The following REDIC1 variants were observed in gnomAD, a reference collection of about 807,000 sequenced individuals.
REDIC1 encodes the protein regulator of DNA class I crossover intermediates 1.
At chr12:39,812,958 T>C in the REDIC1 span, among the ~76,000 whole-genome samples, 3 of 141,340 alleles carry the variant, frequency 2.1e-5, no homozygotes, top group Non-Finnish European at 4.5e-5. Context: ...GCCTCCCAAG[T>C]AGCAGGGATT....
At chr12:39,880,552 AC>A in the REDIC1 span, among the ~76,000 whole-genome samples, 1 of 152,242 alleles carries the variant, frequency 6.6e-6, no homozygotes, top group African/African-American at 2.4e-5. Flanking sequence ...AAGCAATGAT[AC>A]AAAAATCATA....
chr12:39,682,789 C>T, the REDIC1 span: 1 of 1,612,904 alleles, frequency 6.2e-7, no homozygotes, highest in African/African-American at 1.3e-5. Context: ...CCAGTCTACT[C>T]CTAACCTTCT....
chr12:39,877,395 A>C, the REDIC1 span, among the ~76,000 whole-genome samples: 1 of 151,748 alleles, frequency 6.6e-6, no homozygotes, highest in African/African-American at 2.4e-5. Context: ...CAGAATTGGA[A>C]CCCCCCCTCC....
At chr12:39,628,513 T>C in the REDIC1 span, among the ~76,000 whole-genome samples, 1 of 152,208 alleles carries the variant, frequency 6.6e-6, no homozygotes, top group Admixed American at 6.5e-5. Flanking sequence ...GGGATGTTTT[T>C]GGCTGAACAT....
At chr12:39,693,047 T>C in the REDIC1 span, among the ~76,000 whole-genome samples, 1 of 152,118 alleles carries the variant, frequency 6.6e-6, no homozygotes, top group Non-Finnish European at 1.5e-5. Flanking sequence ...CCATCAATGT[T>C]TCATTTATGA....
chr12:39,635,006 T>C, the REDIC1 span, among the ~76,000 whole-genome samples: 1 of 152,030 alleles, frequency 6.6e-6, no homozygotes, highest in Non-Finnish European at 1.5e-5. Context: ...AAGAAGACGT[T>C]TATGCACCCA....
the REDIC1 span, among the ~76,000 whole-genome samples, chr12:39,883,857 G>A: frequency 1.3e-5 from 2 of 152,142 alleles, no homozygotes; most frequent in Admixed American, 6.5e-5. Flanking sequence ...AGGATGAAGT[G>A]AAAACAGCAA....
the REDIC1 span, among the ~76,000 whole-genome samples, chr12:39,827,415 G>A: frequency 4.1e-4 from 62 of 152,244 alleles, no homozygotes; most frequent in Non-Finnish European, 8.2e-4. Flanking sequence ...ATAGTGCTTT[G>A]TAACTACAGA....
At chr12:39,843,739 A>G in the REDIC1 span, among the ~76,000 whole-genome samples, 27 of 152,188 alleles carry the variant, frequency 1.8e-4, no homozygotes, top group African/African-American at 6.5e-4. Flanking sequence ...TGGAGGCTCT[A>G]TTACTTTGGA....
At chr12:39,698,101 G>A in the REDIC1 span, among the ~76,000 whole-genome samples, 1 of 152,084 alleles carries the variant, frequency 6.6e-6, no homozygotes, top group Non-Finnish European at 1.5e-5. Flanking sequence ...AAGAGCAAGA[G>A]TAGCTACACG....
At chr12:39,865,339 C>A in the REDIC1 span, among the ~76,000 whole-genome samples, 11 of 152,124 alleles carry the variant, frequency 7.2e-5, no homozygotes, top group Non-Finnish European at 1.5e-4. Context: ...AATTGGTAAA[C>A]CTTTTTAGTT....
the REDIC1 span, among the ~76,000 whole-genome samples, chr12:39,713,683 C>T: frequency 7.0e-6 from 1 of 143,872 alleles, no homozygotes; most frequent in African/African-American, 2.7e-5. Flanking sequence ...GTATGTATGC[C>T]TGTATACATG....
chr12:39,773,010 C>T, the REDIC1 span, among the ~76,000 whole-genome samples: 1 of 152,080 alleles, frequency 6.6e-6, no homozygotes, highest in Non-Finnish European at 1.5e-5. Flanking sequence ...CTAGAAATAC[C>T]AACTAAAAAA....
chr12:39,722,781 G>A, the REDIC1 span, among the ~76,000 whole-genome samples: 3 of 152,096 alleles, frequency 2.0e-5, no homozygotes, highest in Non-Finnish European at 4.4e-5. Context: ...AAAGTGTAGT[G>A]CAGTAAAGAA....
the REDIC1 span, among the ~76,000 whole-genome samples, chr12:39,887,176 A>G: frequency 6.6e-6 from 1 of 152,222 alleles, no homozygotes; most frequent in South Asian, 2.1e-4. Flanking sequence ...AAGTATTTTC[A>G]TTTTTGATAA....
the REDIC1 span, among the ~76,000 whole-genome samples, chr12:39,775,978 T>G: frequency 1.5e-4 from 23 of 152,156 alleles, no homozygotes; most frequent in Non-Finnish European, 5.9e-5. Context: ...TTTTGGAGCA[T>G]TTTGGATTTT....
At chr12:39,688,172 C>T in the REDIC1 span, among the ~76,000 whole-genome samples, 2 of 152,218 alleles carry the variant, frequency 1.3e-5, no homozygotes, top group African/African-American at 4.8e-5. Context: ...GATGAAAGGA[C>T]ATGGAACCTG....
chr12:39,644,258 CTATT>C, the REDIC1 span, among the ~76,000 whole-genome samples: 8 of 151,672 alleles, frequency 5.3e-5, no homozygotes, highest in African/African-American at 1.9e-4. Context: ...AACAAATTAA[CTATT>C]CTTTACTATT....
chr12:39,743,559 G>T, the REDIC1 span, among the ~76,000 whole-genome samples: 15 of 152,228 alleles, frequency 9.9e-5, no homozygotes, highest in Admixed American at 8.5e-4. Context: ...TATCAGACTG[G>T]GAATTTGAAA....
Sources: gnomAD v4.1 joint callset for allele counts (sites outside exome capture counted in the v4.1 genomes callset) on GRCh38, gnomAD v4.1.1 for gene constraint, MANE v1.5 for transcripts, NCBI Gene and HGNC (gene_info 2026-07-23, HGNC 2026-07-21) for gene names.